Variants in TSPAN8 observed in about 807,000 individuals in gnomAD.
TSPAN8 encodes the protein tetraspanin 8.
TSPAN8 carries 21 observed loss-of-function variants against 32.8 expected under a neutral mutation model. The ratio of observed to expected loss-of-function variants is 0.64; its 90% CI spans 0.45 to 0.92. The LOEUF is 0.92. Ranked by LOEUF, TSPAN8 falls within the 40% of genes least tolerant of loss-of-function variation. The pLI, the probability that TSPAN8 is intolerant of heterozygous loss-of-function variation, is 0.00. For synonymous variants in TSPAN8, 95 were observed against 94.6 expected (o/e 1.00, Z -0.03); for missense variants, 269 against 281.9 (o/e 0.95, Z 0.33).
chr12:71,128,247 CT>C (rs1411128819), intron 8 of TSPAN8, among the ~76,000 whole-genome samples: 2 of 152,184 alleles, frequency 1.3e-5, no homozygotes, highest in Non-Finnish European at 2.9e-5. Context: ...AGTCCCTAAC[CT>C]TTCTCTAATA....
chr12:71,152,261 A>G (rs1872280752), intron 2 of TSPAN8, among the ~76,000 whole-genome samples: 7 of 152,200 alleles, frequency 4.6e-5, no homozygotes, highest in Admixed American at 4.6e-4. Context: ...GTCTGTTTAC[A>G]AAATCCACTT....
chr12:71,135,838 C>T (rs914861030), intron 6 of TSPAN8, among the ~76,000 whole-genome samples: 10 of 152,172 alleles, frequency 6.6e-5, no homozygotes, highest in Admixed American at 5.9e-4. Context: ...CTCAGCCCCA[C>T]CCAGCAGAGG....
chr12:71,138,351 C>T (rs1592403663), intron 4 of TSPAN8, 121 bp from the exon 5 acceptor site: 1 of 970,260 alleles, frequency 1.0e-6, no homozygotes, highest in South Asian at 1.8e-5. Context: ...GTCAGTCACA[C>T]TCTTCATTTA....
At chr12:71,143,402 G>GT (rs1329301527) in intron 3 of TSPAN8, among the ~76,000 whole-genome samples, 4 of 152,090 alleles carry the variant, frequency 2.6e-5, no homozygotes, top group African/African-American at 4.8e-5. Context: ...GATACCACAC[G>GT]TATGGGGTCC....
chr12:71,157,025 G>C (rs747137272), intron 2 of TSPAN8: 4 of 152,224 alleles, frequency 2.6e-5, no homozygotes, highest in Non-Finnish European at 4.4e-5. Context: ...AAAAGGTAGG[G>C]TGATGACACA....
At chr12:71,135,320 G>A (rs1871657187) in intron 6 of TSPAN8, among the ~76,000 whole-genome samples, 1 of 140,384 alleles carries the variant, frequency 7.1e-6, no homozygotes, top group South Asian at 2.4e-4. Context: ...AGGTGGCACA[G>A]GGAAGAGGAG....
chr12:71,138,832 C>A (rs1466127441), intron 4 of TSPAN8, among the ~76,000 whole-genome samples: 1 of 152,174 alleles, frequency 6.6e-6, no homozygotes, highest in Non-Finnish European at 1.5e-5. Context: ...TCTGTCTCTA[C>A]CGTCCCTCAC....
chr12:71,137,042 A>G (rs187210129), intron 6 of TSPAN8, among the ~76,000 whole-genome samples: 3 of 152,238 alleles, frequency 2.0e-5, no homozygotes, highest in Admixed American at 2.0e-4. Flanking sequence ...AGGCCAAGGC[A>G]GGAGGATCAC....
At chr12:71,136,856 C>T (rs1397559) in intron 6 of TSPAN8, among the ~76,000 whole-genome samples, 11,015 of 152,172 alleles carry the variant, frequency 0.072, 925 homozygotes, top group East Asian at 0.26. Context: ...AATGATATTA[C>T]CCATCCACAG....
rs751028030 is a variant in TSPAN8, at chr12:71,144,197, A to C, written c.77T>G (p.Ile26Ser). ...NFLFWLCGIL[I>S]LALAIWVRVS... ...TCGTACCCATATTGCTAATGCTAGG[A>C]TCAAGATACCACATAGCTGCAGAAA... is the stretch of plus-strand genomic sequence containing the variant. The change falls in exon 3 of 9, where the codon ATC becomes AGC. Residue 26 changes from isoleucine to serine, a missense_variant. Physicochemically the swap from Ile to Ser is moderately radical, Grantham distance 142. Transcript: ENST00000247829. 3 of 1,611,696 alleles carry C rather than the reference A, an allele frequency of 1.9e-6. No homozygotes were observed. The South Asian group carries it at 3.3e-5, about 18-fold the overall frequency.
chr12:71,136,857 C>A (rs1592402558), intron 6 of TSPAN8, among the ~76,000 whole-genome samples: 1 of 152,212 alleles, frequency 6.6e-6, no homozygotes, highest in East Asian at 1.9e-4. Flanking sequence ...ATGATATTAC[C>A]CATCCACAGG....
intron 7 of TSPAN8, among the ~76,000 whole-genome samples, chr12:71,131,500 C>T (rs1376194474): frequency 1.3e-5 from 2 of 151,770 alleles, no homozygotes; most frequent in Non-Finnish European, 2.9e-5. Context: ...TTTTCAGTAG[C>T]AGTTACTAAA....
intron 5 of TSPAN8, 25 bp from the exon 6 acceptor site, chr12:71,138,085 T>C (rs1426197652): frequency 5.6e-6 from 9 of 1,612,098 alleles, no homozygotes; most frequent in Non-Finnish European, 7.6e-6. Context: ...GTATTTTACA[T>C]TATTCACGCC....
In TSPAN8 at chr12:71,132,813, G is replaced by A. The variant is rs2270587; in HGVS notation, c.456C>T (p.Cys152=). 0.064 allele frequency: 103,188 copies of A among 1,613,460 alleles called. 7,704 individuals are homozygous for A. The highest frequency in any genetic ancestry group is 0.31 in the Admixed American group (18,879 of 59,948). Residue 152 remains cysteine (C), a synonymous_variant, in exon 7 of 9, where the codon TGC becomes TGT. Coordinates refer to ENST00000247829, the MANE Select transcript of TSPAN8 (RefSeq NM_004616.3). ...IIVFQEEFKC[C]GLVNGAADWG... ...AATCAGCAGCTCCATTGACCAAACC[G>A]CAGCATTTAAACTGTTTGATAAAAG...
At chr12:71,135,976 A>G (rs889406487) in intron 6 of TSPAN8, among the ~76,000 whole-genome samples, 1 of 152,206 alleles carries the variant, frequency 6.6e-6, no homozygotes, top group Non-Finnish European at 1.5e-5. Context: ...CACATCAGAA[A>G]GGAAGTTAAA....
chr12:71,126,889 T>C (rs371296682), intron 8 of TSPAN8, among the ~76,000 whole-genome samples: 1 of 152,058 alleles, frequency 6.6e-6, no homozygotes, highest in African/African-American at 2.4e-5. Context: ...TCCAAAAATG[T>C]CTATAGATAA....
rs183680508 is a variant in TSPAN8, at chr12:71,155,891, C to G, written c.60+1728G>C. Among the ~76,000 whole-genome samples, 509 of 151,982 alleles carry G rather than the reference C, an allele frequency of 3.3e-3. 2 individuals carry two copies. Among genetic ancestry groups the G allele is most frequent in the African/African-American group, 0.012 (494 of 41,428 alleles). On this transcript the variant is annotated intron_variant, in intron 2 of 8. Coordinates refer to ENST00000247829, the MANE Select transcript of TSPAN8 (RefSeq NM_004616.3). The stretch of plus-strand genomic sequence containing the variant: ...GGACTACAGGGGCGTGCCACCATGC[C>G]CGGCTAATTTTTCATATTTTTAGTA...
At chr12:71,156,688 G>C (rs1247045905) in intron 2 of TSPAN8, among the ~76,000 whole-genome samples, 1 of 152,126 alleles carries the variant, frequency 6.6e-6, no homozygotes, top group Non-Finnish European at 1.5e-5. Flanking sequence ...TGAGATGTCT[G>C]TTTACTAAAG....
At chr12:71,135,444 G>GA in intron 6 of TSPAN8, among the ~76,000 whole-genome samples, 1 of 149,270 alleles carries the variant, frequency 6.7e-6, no homozygotes, top group Non-Finnish European at 1.5e-5. Flanking sequence ...GGAAGAAAAA[G>GA]AATCAGCAGA....
Sources: allele counts gnomAD v4.1 joint callset (sites outside exome capture counted in the v4.1 genomes callset), GRCh38; gene constraint gnomAD v4.1.1; transcripts MANE v1.5; gene names NCBI Gene and HGNC (gene_info 2026-07-23, HGNC 2026-07-21).